CAMTA1: variants seen among roughly 807,000 people sequenced by gnomAD.
CAMTA1 encodes the protein calmodulin binding transcription activator 1.
Under a neutral mutation model 170.9 loss-of-function variants are expected in CAMTA1, and 27 were observed. The observed-to-expected ratio is 0.16, with a 90% CI of 0.12 to 0.22. The LOEUF (loss-of-function observed/expected upper bound fraction) is 0.22. Among genes scored for constraint, CAMTA1 ranks in the 10% least tolerant of loss-of-function variants. CAMTA1 has a pLI of 1.00. For synonymous variants in CAMTA1, 833 were observed against 891.5 expected (o/e 0.93, Z 1.17); for missense variants, 1,619 against 2,217.2 (o/e 0.73, Z 5.42).
At chr1:6,798,962 T>C (rs897292100) in intron 1 of CAMTA1, among the ~76,000 whole-genome samples, 1 of 152,216 alleles carries the variant, frequency 6.6e-6, no homozygotes, top group Non-Finnish European at 1.5e-5. Flanking sequence ...TCTCTAGCTG[T>C]GAAGGCTTTG....
intron 3 of CAMTA1, among the ~76,000 whole-genome samples, chr1:6,987,641 G>A (rs1006936018): frequency 2.6e-5 from 4 of 152,246 alleles, no homozygotes; most frequent in African/African-American, 9.6e-5. Context: ...CAGTGAGGCT[G>A]TGGGCAGATG....
In CAMTA1 at chr1:6,858,784, G is replaced by A. The variant is rs181225513; in HGVS notation, c.234+33574G>A. The stretch of plus-strand genomic sequence containing the variant: ...GCTTTTATATGAGGACCCCAGTGTC[G>A]TAACTTTGCCATAACTCAGGAAGAT... On this transcript the variant is annotated intron_variant, in intron 3 of 22. Transcript: ENST00000303635. 7.2e-5 allele frequency among the ~76,000 whole-genome samples: 11 copies of A among 152,250 alleles called. No homozygotes were observed. The East Asian group carries it at 1.5e-3, about 21-fold the overall frequency.
Position 7,736,386 on chromosome 1 carries a change from C to T in CAMTA1, c.3109C>T (p.Arg1037Cys), listed in dbSNP as rs752103947. Residue 1037 changes from arginine (R) to cysteine (C), a missense_variant, in exon 13 of 23, where the codon CGT (arginine) becomes TGT (cysteine). Coordinates refer to ENST00000303635, the MANE Select transcript of CAMTA1 (RefSeq NM_015215.4). The surrounding 1 kb of genome is among the most constrained non-coding windows in gnomAD (Gnocchi z 4.5). Reference sequence around the variant, plus strand: ...GGCCTTGGGGAGCTGCTTTGAGAGCCGTGTGGTCGTGGTATGCGAGAAGAT... The same window carrying T: ...GGCCTTGGGGAGCTGCTTTGAGAGCTGTGTGGTCGTGGTATGCGAGAAGAT... ...TGALGSCFES[R>C]VVVVCEKMMS... is the part of the protein sequence containing the mutation. 4.3e-6 allele frequency: 7 copies of T among 1,613,910 alleles called. No homozygotes were observed. The highest frequency in any genetic ancestry group is 1.3e-5 in the African/African-American group (1 of 74,848).
chr1:7,563,366 T>C (rs892056528), intron 6 of CAMTA1, among the ~76,000 whole-genome samples: 15 of 152,006 alleles, frequency 9.9e-5, no homozygotes, highest in Admixed American at 8.5e-4. Flanking sequence ...GAAGCCTGGT[T>C]TGGGGAGATG....
intron 16 of CAMTA1, among the ~76,000 whole-genome samples, chr1:7,743,315 T>C (rs1350947243): frequency 6.6e-6 from 1 of 152,062 alleles, no homozygotes; most frequent in Non-Finnish European, 1.5e-5. Context: ...ACAATAAGCA[T>C]TTTTAACAGC....
chr1:7,572,488 C>A (rs2095136938), intron 6 of CAMTA1, among the ~76,000 whole-genome samples: 1 of 152,142 alleles, frequency 6.6e-6, no homozygotes, highest in Admixed American at 6.5e-5. Context: ...ACATTTAAGT[C>A]TTTAATCCAT....
At chr1:7,398,193 C>CTCTCTCTATATATATATATA (rs1557651862) in intron 5 of CAMTA1, among the ~76,000 whole-genome samples, 1 of 16,892 alleles carries the variant, frequency 5.9e-5, no homozygotes, top group Non-Finnish European at 1.1e-4. Flanking sequence ...CTCTCTCTCT[C>CTCTCTCTATATATATATATA]TATATATATA....
rs2149226131 is a variant in CAMTA1, at chr1:7,234,923, A to G, written c.303-14568A>G. 6.6e-6 allele frequency among the ~76,000 whole-genome samples: 1 copy of G among 151,670 alleles called. No homozygotes were observed. The highest frequency in any genetic ancestry group is 2.0e-4 in the East Asian group (1 of 5,110). ...CACCTCAGCCTCATGAGTAGCTGGG[A>G]TTAAAAGCACCTGCCACCACACCTG... is the stretch of plus-strand genomic sequence containing the variant. On this transcript the variant is annotated intron_variant, in intron 4 of 22. Transcript: ENST00000303635. The surrounding 1 kb of genome is among the most constrained non-coding windows in gnomAD (Gnocchi z 5.0).
At chr1:7,218,004 G>T (rs764034711) in intron 4 of CAMTA1, among the ~76,000 whole-genome samples, 19 of 152,074 alleles carry the variant, frequency 1.2e-4, no homozygotes, top group Non-Finnish European at 2.5e-4. Context: ...CTTCAGAGGC[G>T]CCTGTGGGTA....
At chr1:7,172,649 T>G (rs1458662482) in intron 4 of CAMTA1, among the ~76,000 whole-genome samples, 1 of 152,220 alleles carries the variant, frequency 6.6e-6, no homozygotes, top group Non-Finnish European at 1.5e-5. Context: ...CTCTGTGATC[T>G]TTAAACAACG....
At chr1:6,805,303 T>A (rs1475062034) in intron 1 of CAMTA1, among the ~76,000 whole-genome samples, 1 of 152,248 alleles carries the variant, frequency 6.6e-6, no homozygotes, top group Non-Finnish European at 1.5e-5. Flanking sequence ...GTTCATGAGC[T>A]TATTAGCCAT....
intron 5 of CAMTA1, among the ~76,000 whole-genome samples, chr1:7,403,681 CCA>C (rs1232368405): frequency 6.6e-6 from 1 of 152,052 alleles, no homozygotes; most frequent in Non-Finnish European, 1.5e-5. Context: ...AAGCCGAGGA[CCA>C]CCACCAGCCC....
At position 7,426,836 on chromosome 1, in the gene CAMTA1, T is replaced by TA. The variant is rs1409906965; in HGVS notation, c.439-40989dup. Among the ~76,000 whole-genome samples the TA allele has an allele frequency of 6.6e-6, 1 of 152,156 alleles. No homozygotes were observed. Among genetic ancestry groups the TA allele is most frequent in the Non-Finnish European group, 1.5e-5 (1 of 68,032 alleles). Reference sequence around the variant, plus strand: ...TTTCGTAGAATTGCAAAATTAGAGTTAAAAAGACCTGAACGGCTGTCCTCC... The same window carrying TA: ...TTTCGTAGAATTGCAAAATTAGAGTTAAAAAAGACCTGAACGGCTGTCCTCC... On this transcript the variant is annotated intron_variant, in intron 5 of 22. Transcript: ENST00000303635. This position sits in a 1 kb window ranked among gnomAD's most constrained non-coding sequence, Gnocchi z 4.8.
At chr1:7,009,140 C>T (rs1291355403) in intron 3 of CAMTA1, among the ~76,000 whole-genome samples, 2 of 152,230 alleles carry the variant, frequency 1.3e-5, no homozygotes, top group African/African-American at 4.8e-5. Flanking sequence ...GGGGCCTTGG[C>T]CATGTCCCTT....
At chr1:7,473,343 G>C (rs2093365816) in intron 6 of CAMTA1, among the ~76,000 whole-genome samples, 2 of 152,202 alleles carry the variant, frequency 1.3e-5, no homozygotes, top group South Asian at 4.1e-4. Flanking sequence ...CCCATAGGAG[G>C]AACAGCTGGG....
In CAMTA1 at chr1:7,108,418, C is replaced by T. The variant is rs186318758; in HGVS notation, c.302+17047C>T. Among the ~76,000 whole-genome samples the T allele has an allele frequency of 2.6e-5, 4 of 152,290 alleles. No homozygotes were observed. The East Asian group carries it at 7.7e-4, about 29-fold the overall frequency. ...CTCCCCAGGAATCTGTTCCAAACCG[C>T]AGACCCAGATGGCCCTGGGCTCTGT... On this transcript the variant is annotated intron_variant, in intron 4 of 22. Coordinates refer to ENST00000303635, the MANE Select transcript of CAMTA1 (RefSeq NM_015215.4).
At chr1:6,788,412 C>A (rs1640049098) in intron 1 of CAMTA1, among the ~76,000 whole-genome samples, 3 of 152,140 alleles carry the variant, frequency 2.0e-5, no homozygotes, top group South Asian at 2.1e-4. Flanking sequence ...AGTTCTGTGA[C>A]TTCTGGACTT....
chr1:7,070,283 C>T (rs1638464491), intron 3 of CAMTA1, among the ~76,000 whole-genome samples: 1 of 152,226 alleles, frequency 6.6e-6, no homozygotes, highest in South Asian at 2.1e-4. Flanking sequence ...TATTGTACTG[C>T]ACTTTCTGGA....
intron 6 of CAMTA1, among the ~76,000 whole-genome samples, chr1:7,499,826 ATATG>A (rs1435510913): frequency 5.4e-5 from 7 of 129,470 alleles, no homozygotes; most frequent in East Asian, 2.6e-4. Context: ...GTGTGCATGC[ATATG>A]TATGTGTGTG....
Sources: allele counts gnomAD v4.1 joint callset (sites outside exome capture counted in the v4.1 genomes callset), GRCh38; gene constraint gnomAD v4.1.1; non-coding constraint Gnocchi (gnomAD v3.1); transcripts MANE v1.5; gene names NCBI Gene and HGNC (gene_info 2026-07-23, HGNC 2026-07-21).